The following GAK variants were observed in gnomAD, a reference collection of about 807,000 sequenced individuals.
GAK encodes the protein cyclin G associated kinase.
A neutral mutation model predicts 143.9 loss-of-function variants in GAK; 79 were observed. That is an observed-to-expected ratio of 0.55 (90% CI 0.46 to 0.66). The LOEUF (loss-of-function observed/expected upper bound fraction) is 0.66. Ranked by LOEUF, GAK falls within the 30% of genes least tolerant of loss-of-function variation. The probability of loss-of-function intolerance (pLI) is 0.00; values close to 1 mark genes in which losing one functional copy is unlikely to be tolerated. For missense variants in GAK, 1,693 were observed against 1,779.7 expected, an observed-to-expected ratio of 0.95 and a Z score of 0.88; for synonymous variants, 881 against 765.5, an observed-to-expected ratio of 1.15 and a Z score of -2.49.
At chr4:883,551 C>CG in intron 12 of GAK, 88 bp from the exon 13 acceptor site, 2 of 1,476,238 alleles carry the variant, frequency 1.4e-6, no homozygotes, top group Non-Finnish European at 1.9e-6. Flanking sequence ...CTGACGCCCC[C>CG]GGGCAAGCGC....
chr4:891,937 C>A (rs1310448767), intron 9 of GAK, among the ~76,000 whole-genome samples: 2 of 152,194 alleles, frequency 1.3e-5, no homozygotes, highest in Non-Finnish European at 2.9e-5. Context: ...AAAATGCTTC[C>A]AGCACCCAGC....
intron 4 of GAK, among the ~76,000 whole-genome samples, chr4:908,561 T>C (rs1180016005): frequency 6.6e-6 from 1 of 152,028 alleles, no homozygotes; most frequent in African/African-American, 2.4e-5. Flanking sequence ...GCTACAGGTG[T>C]TGCTTGAGCT....
chr4:909,441 C>A (rs183937030), intron 4 of GAK, among the ~76,000 whole-genome samples: 2 of 152,302 alleles, frequency 1.3e-5, no homozygotes, highest in East Asian at 3.9e-4. Flanking sequence ...GGTATGCGCA[C>A]GGGAAGGGCC....
intron 17 of GAK, among the ~76,000 whole-genome samples, 181 bp from the exon 18 acceptor site, chr4:876,790 C>G (rs1265281379): frequency 5.3e-5 from 8 of 152,218 alleles, no homozygotes; most frequent in African/African-American, 1.9e-4. Context: ...GCAGGTAACC[C>G]TGAGGAGAAC....
Position 850,968 on chromosome 4 carries a change from G to C in GAK, c.3625C>G (p.Leu1209Val), listed in dbSNP as rs756580105. Residue 1209 changes from leucine to valine, a missense_variant, in exon 26 of 28, where the codon CTG becomes GTG. This residue lies in a region of GAK where 822 missense variants were observed against 788.7 expected (regional missense o/e 1.04). Transcript: ENST00000314167. ...TTGAGTGGGTCCGTGTCTTTAGCCA[G>C]GTCCTGCTTCCTCATCTCTGCAATG... The part of the protein sequence containing the change: ...KTIAEMRKQD[L>V]AKDTDPLKLK... The C allele has an allele frequency of 5.0e-6, 8 of 1,613,830 alleles. No individual in the cohort carries two copies. The highest frequency in any genetic ancestry group is 5.9e-6 in the Non-Finnish European group (7 of 1,179,920).
intron 4 of GAK, among the ~76,000 whole-genome samples, chr4:911,124 G>A (rs554505989): frequency 6.6e-6 from 1 of 152,266 alleles, no homozygotes; most frequent in African/African-American, 2.4e-5. Context: ...GAGTCGTTGT[G>A]CCATCTTCCT....
intron 11 of GAK, chr4:888,570 T>G (rs530117087): frequency 9.2e-6 from 4 of 433,456 alleles, no homozygotes; most frequent in East Asian, 8.9e-5. Flanking sequence ...CGCCCCAGAG[T>G]GAGGGGCGAC....
At chr4:881,825 C>T in intron 15 of GAK, 82 bp downstream of exon 15, 1 of 1,465,060 alleles carries the variant, frequency 6.8e-7, no homozygotes, top group South Asian at 1.3e-5. Context: ...CCGACTGGCC[C>T]TCCAGGAGAC....
chr4:870,922 C>A lies in GAK; in HGVS notation c.2055-18G>T. ...GGTCATACCTGCGGTTACAAGTAGA[C>A]ACCACTTAGGAAGGCCACCCAAGTA... is the stretch of plus-strand genomic sequence containing the variant. On this transcript the variant is annotated intron_variant, in intron 18 of 27. Coordinates refer to ENST00000314167, the MANE Select transcript of GAK (RefSeq NM_005255.4). 1 of 1,597,050 alleles carries A rather than the reference C, an allele frequency of 6.3e-7. No homozygotes were observed. Among genetic ancestry groups the A allele is most frequent in the Non-Finnish European group, 8.5e-7 (1 of 1,170,622 alleles).
At chr4:890,105 C>G (rs1717343041) in intron 10 of GAK, among the ~76,000 whole-genome samples, 1 of 152,238 alleles carries the variant, frequency 6.6e-6, no homozygotes, top group Non-Finnish European at 1.5e-5. Flanking sequence ...TGGGATGCCC[C>G]CTCCAGCCCC....
intron 5 of GAK, among the ~76,000 whole-genome samples, chr4:900,083 G>A (rs988150374): frequency 1.3e-5 from 2 of 152,282 alleles, no homozygotes; most frequent in Non-Finnish European, 2.9e-5. Flanking sequence ...GGGAGATGCA[G>A]TGGCACACGG....
intron 9 of GAK, among the ~76,000 whole-genome samples, chr4:891,914 C>T (rs1457037767): frequency 1.3e-5 from 2 of 152,156 alleles, no homozygotes; most frequent in Non-Finnish European, 2.9e-5. Context: ...CGCCTCAGAG[C>T]GCCCCACACC....
intron 25 of GAK, 188 bp from the exon 26 acceptor site, chr4:851,272 A>ATTTTTT: frequency 2.0e-6 from 1 of 502,452 alleles, no homozygotes; most frequent in Non-Finnish European, 3.6e-6. Context: ...TAATTTTTAC[A>ATTTTTT]TTTTTTGTAG....
chr4:915,226 C>T lies in GAK; in HGVS notation c.146-1558G>A, dbSNP rs367557355. Among the ~76,000 whole-genome samples, 308 of 152,114 alleles carry T rather than the reference C, an allele frequency of 2.0e-3. 13 individuals are homozygous for T. The South Asian group carries it at 0.06, about 29-fold the overall frequency. Reference sequence around the variant, plus strand: ...TGCACTCAGCCCCAGCGTACATGGCCCCCCGCACTCAGCCCCAGCGTGCGC... The same window carrying T: ...TGCACTCAGCCCCAGCGTACATGGCTCCCCGCACTCAGCCCCAGCGTGCGC... On this transcript the variant is annotated intron_variant, in intron 1 of 27. Transcript: ENST00000314167.
In GAK at chr4:882,777, G is replaced by A; in HGVS notation, c.1447C>T (p.His483Tyr). ...TTCCTGCAGATGTTGTACAGGGTGT[G>A]CAGGTGTGGGGCCCGCCGTGCTGCC... ...GWAARRAPHL[H>Y]TLYNICRNMH... The change falls in exon 14 of 28, where the codon CAC becomes TAC. Residue 483 changes from histidine (H) to tyrosine (Y), a missense_variant. This residue lies in a region of GAK where 871 missense variants were observed against 991.0 expected (regional missense o/e 0.88). Transcript: ENST00000314167. The A allele has an allele frequency of 6.2e-7, 1 of 1,611,316 alleles. No individual in the cohort carries two copies.
chr4:894,239 C>G, intron 7 of GAK: 2 of 418,332 alleles, frequency 4.8e-6, no homozygotes, highest in South Asian at 3.9e-5. Context: ...ACAGGGGTGA[C>G]ACCCGGGCCG....
At chr4:864,535 G>C (rs1418639259) in intron 23 of GAK, among the ~76,000 whole-genome samples, 1 of 152,178 alleles carries the variant, frequency 6.6e-6, no homozygotes, top group African/African-American at 2.4e-5. Context: ...ACGCATCCGC[G>C]CTACCAGACG....
At chr4:916,211 C>G (rs948082253) in intron 1 of GAK, among the ~76,000 whole-genome samples, 1 of 152,174 alleles carries the variant, frequency 6.6e-6, no homozygotes, top group Non-Finnish European at 1.5e-5. Flanking sequence ...AAATCATATA[C>G]CTAATAAAGG....
At chr4:895,870 G>C (rs1364609465) in intron 7 of GAK, among the ~76,000 whole-genome samples, 7 of 152,216 alleles carry the variant, frequency 4.6e-5, no homozygotes, top group Non-Finnish European at 1.0e-4. Flanking sequence ...CTCAGGGCCA[G>C]ATGCACAACA....
Sources: allele counts gnomAD v4.1 joint callset (sites outside exome capture counted in the v4.1 genomes callset), GRCh38; gene constraint gnomAD v4.1.1; regional missense constraint gnomAD v4.1.1; transcripts MANE v1.5; gene names NCBI Gene and HGNC (gene_info 2026-07-23, HGNC 2026-07-21).